TET3: variants seen among roughly 807,000 people sequenced by gnomAD.
The protein encoded by TET3 is tet methylcytosine dioxygenase 3.
A neutral mutation model predicts 141.4 loss-of-function variants in TET3; 19 were observed. The ratio of observed to expected loss-of-function variants is 0.13; its 90% CI spans 0.09 to 0.20. The LOEUF is 0.20. Among genes scored for constraint, TET3 ranks in the 10% least tolerant of loss-of-function variants. The pLI, the probability that TET3 is intolerant of heterozygous loss-of-function variation, is 1.00. For synonymous variants in TET3, 1,043 were observed against 980.9 expected, an observed-to-expected ratio of 1.06 and a Z score of -1.18; for missense variants, 1,874 against 2,356.9, an observed-to-expected ratio of 0.80 and a Z score of 4.24.
intron 5 of TET3, 126 bp from the exon 6 acceptor site, chr2:74,080,372 C>T: frequency 1.3e-6 from 1 of 781,702 alleles, no homozygotes; most frequent in Middle Eastern, 2.4e-4. Context: ...CTTTCTCTTT[C>T]TTCTCTGTTG....
At chr2:74,072,905 G>T (rs1188991917) in intron 4 of TET3, among the ~76,000 whole-genome samples, 6 of 152,230 alleles carry the variant, frequency 3.9e-5, no homozygotes, top group African/African-American at 1.4e-4. Flanking sequence ...GTTCATCCTT[G>T]TAATAGCATG....
chr2:74,077,173 T>G (rs1286441716), intron 5 of TET3, among the ~76,000 whole-genome samples: 1 of 152,214 alleles, frequency 6.6e-6, no homozygotes, highest in Non-Finnish European at 1.5e-5. Context: ...CTGGTCTCAT[T>G]ACTGTGTGAC....
Position 74,089,960 on chromosome 2 carries a change from T to C in TET3, c.2952T>C (p.Cys984=). Residue 984 remains cysteine, a synonymous_variant, in exon 8 of 12, where the codon TGT becomes TGC. Coordinates refer to ENST00000409262, the MANE Select transcript of TET3 (RefSeq NM_001287491.2). Reference sequence around the variant, plus strand: ...GTGGTGCCTCCTTCTCCTTTGGTTGTTCCTGGAGCATGTACTTCAACGGCT... The same window carrying C: ...GTGGTGCCTCCTTCTCCTTTGGTTGCTCCTGGAGCATGTACTTCAACGGCT... ...NTCGASFSFG[C]SWSMYFNGCK... The C allele has an allele frequency of 6.2e-7, 1 of 1,614,082 alleles. No homozygotes were observed. Among genetic ancestry groups the C allele is most frequent in the East Asian group, 2.2e-5 (1 of 44,894 alleles).
downstream of TET3, among the ~76,000 whole-genome samples, chr2:74,113,006 CAAAAAAAAA>C (rs60299737): frequency 4.7e-4 from 16 of 34,398 alleles, no homozygotes; most frequent in South Asian, 3.0e-3. Context: ...GACTCCGTCT[CAAAAAAAAA>C]AAAAAAAAAA....
At chr2:74,111,755 G>A (rs1019146649), downstream of TET3, among the ~76,000 whole-genome samples, 1 of 152,196 alleles carries the variant, frequency 6.6e-6, no homozygotes, top group South Asian at 2.1e-4. Context: ...GCTAGGAAAT[G>A]GCAGAGCCCA....
intron 4 of TET3, among the ~76,000 whole-genome samples, chr2:74,059,067 T>G (rs1174144390): frequency 1.3e-5 from 2 of 152,224 alleles, no homozygotes; most frequent in Non-Finnish European, 2.9e-5. Flanking sequence ...AGAGTAAGTT[T>G]GCTGACCCCT....
chr2:74,028,694 T>C (rs1312647987), intron 3 of TET3, among the ~76,000 whole-genome samples: 2 of 152,258 alleles, frequency 1.3e-5, no homozygotes, highest in Admixed American at 6.5e-5. Flanking sequence ...ATTTACATGA[T>C]GTACATCAGT....
chr2:74,110,055 G>A (rs1246265763), downstream of TET3, among the ~76,000 whole-genome samples: 1 of 152,148 alleles, frequency 6.6e-6, no homozygotes, highest in Non-Finnish European at 1.5e-5. Context: ...GAAAGTGCCA[G>A]GCATTCGGGA....
At chr2:74,007,566 G>A (rs546182168) in intron 3 of TET3, among the ~76,000 whole-genome samples, 25 of 152,316 alleles carry the variant, frequency 1.6e-4, no homozygotes, top group African/African-American at 5.8e-4. Context: ...GGGCCCCGCA[G>A]CCCTTACTGC....
chr2:74,053,271 T>C (rs1688046502), intron 4 of TET3, among the ~76,000 whole-genome samples: 1 of 152,228 alleles, frequency 6.6e-6, no homozygotes, highest in African/African-American at 2.4e-5. Flanking sequence ...ATAACACCAT[T>C]GTCAGAAACA....
At chr2:74,006,326 G>A (rs962246387) in intron 3 of TET3, among the ~76,000 whole-genome samples, 13 of 152,204 alleles carry the variant, frequency 8.5e-5, no homozygotes, top group Non-Finnish European at 1.5e-4. Flanking sequence ...AGAAAGAGGG[G>A]GCTTTCCCCA....
At chr2:74,050,674 C>T (rs1687897977) in intron 4 of TET3, among the ~76,000 whole-genome samples, 2 of 152,010 alleles carry the variant, frequency 1.3e-5, no homozygotes, top group Non-Finnish European at 2.9e-5. Flanking sequence ...CTCAGTCTCC[C>T]GAGTAGCTGG....
chr2:74,034,856 A>G (rs1162188014), intron 3 of TET3, among the ~76,000 whole-genome samples: 1 of 152,082 alleles, frequency 6.6e-6, no homozygotes, highest in Non-Finnish European at 1.5e-5. Context: ...ACCTTTTCAA[A>G]GTATTTGTTC....
chr2:74,116,037 G>A, the TET3 span, among the ~76,000 whole-genome samples: 1 of 150,546 alleles, frequency 6.6e-6, no homozygotes, highest in South Asian at 2.1e-4. Context: ...AAGGCTGGAG[G>A]GGGTGGCGGG....
Position 74,089,963 on chromosome 2 carries a change from C to T in TET3, c.2955C>T (p.Ser985=). 2 of 1,614,070 alleles carry T rather than the reference C, an allele frequency of 1.2e-6. No individual in the cohort carries two copies. The highest frequency in any genetic ancestry group is 1.7e-6 in the Non-Finnish European group (2 of 1,179,906). Residue 985 remains serine, a synonymous_variant, in exon 8 of 12, where the codon TCC becomes TCT. Coordinates refer to ENST00000409262, the MANE Select transcript of TET3 (RefSeq NM_001287491.2). ...TCGASFSFGC[S]WSMYFNGCKY... The stretch of plus-strand genomic sequence containing the variant: ...GTGCCTCCTTCTCCTTTGGTTGTTC[C>T]TGGAGCATGTACTTCAACGGCTGCA...
intron 6 of TET3, among the ~76,000 whole-genome samples, chr2:74,083,138 A>T (rs1310426327): frequency 1.3e-5 from 2 of 152,096 alleles, no homozygotes; most frequent in Non-Finnish European, 1.5e-5. Context: ...TGTTGAGAGG[A>T]TGACCTAGGA....
intron 4 of TET3, among the ~76,000 whole-genome samples, chr2:74,063,157 T>C (rs750264628): frequency 1.3e-5 from 2 of 151,550 alleles, no homozygotes; most frequent in Non-Finnish European, 2.9e-5. Flanking sequence ...GTGTTGGGAT[T>C]ACAGGCCTGA....
chr2:74,123,393 C>T, the TET3 span, among the ~76,000 whole-genome samples: 69 of 151,354 alleles, frequency 4.6e-4, no homozygotes, highest in African/African-American at 2.9e-4. Flanking sequence ...CCAAGGCGGG[C>T]GGATCACGAG....
rs997440177 is a variant in TET3, at chr2:74,103,595, A to G, written c.*1419A>G. 1.3e-5 allele frequency: 2 copies of G among 152,154 alleles called. No homozygotes were observed. The highest frequency in any genetic ancestry group is 4.8e-5 in the African/African-American group (2 of 41,410). The allele number at this position is 152,154 out of a possible 1,614,324, so 9.4% of individuals were successfully genotyped here. A position where few individuals can be genotyped will look rare whatever the true frequency, so the allele number is the denominator to read the frequency against. ...TTCTCCCCTCTTCATCCACTTTAAT[A>G]TAGCTGTTCTGAAATTCTGGTGCAT... On this transcript the variant is annotated 3_prime_UTR_variant, in exon 12 of 12. Transcript: ENST00000409262.
Sources: gnomAD v4.1 joint callset for allele counts (sites outside exome capture counted in the v4.1 genomes callset) on GRCh38, gnomAD v4.1.1 for gene constraint, MANE v1.5 for transcripts, NCBI Gene and HGNC (gene_info 2026-07-23, HGNC 2026-07-21) for gene names.